Variants in CERS1 observed in about 807,000 individuals in gnomAD.
CERS1 encodes the protein Embryonic growth/differentiation factor 1.
In CERS1, 16 loss-of-function variants were observed where a neutral mutation model predicts 35.7. The observed-to-expected ratio is 0.45, with a 90% confidence interval of 0.30 to 0.68. CERS1 has a LOEUF of 0.68. Among genes scored for constraint, CERS1 ranks in the 30% least tolerant of loss-of-function variants. The pLI, the probability that CERS1 is intolerant of heterozygous loss-of-function variation, is 0.08. For missense variants in CERS1, 454 were observed against 453.9 expected (o/e 1.00, Z 0.00); for synonymous variants, 243 against 201.6 (o/e 1.21, Z -1.74).
In CERS1 at chr19:18,878,339, T is replaced by C. The variant is rs1009159170; in HGVS notation, c.1010+591A>G. Reference sequence around the variant, plus strand: ...CCTGGGGCTTCGGACACCATCTGGCTGTCACCCAGGGCTGGTGAGGCTCGT... The same window carrying C: ...CCTGGGGCTTCGGACACCATCTGGCCGTCACCCAGGGCTGGTGAGGCTCGT... On this transcript the variant is annotated intron_variant, in intron 6 of 7. Coordinates refer to ENST00000623882, the MANE Select transcript of CERS1 (RefSeq NM_021267.5). This position sits in a 1 kb window ranked among gnomAD's most constrained non-coding sequence, Gnocchi z 4.6. 8 of 985,962 alleles carry C rather than the reference T, an allele frequency of 8.1e-6. No homozygotes were observed. In the African/African-American group the frequency reaches 1.2e-4, roughly 15 times the overall value. 61.1% of individuals were successfully genotyped at this position (985,962 alleles called of 1,614,324 possible).
chr19:18,870,151 G>T lies in CERS1; in HGVS notation c.*426C>A. The T allele has an allele frequency of 6.4e-7, 1 of 1,559,772 alleles. No homozygotes were observed. On this transcript the variant is annotated 3_prime_UTR_variant, in exon 7 of 8. Transcript: ENST00000623882. This position sits in a 1 kb window ranked among gnomAD's most constrained non-coding sequence, Gnocchi z 5.1. ...ACCGGGGGAACCGGCCGGAGCCTGGGGGCACCCTGGGGCTCATCGCGCAGT... is the reference window on the plus strand; with the variant it reads ...ACCGGGGGAACCGGCCGGAGCCTGGTGGCACCCTGGGGCTCATCGCGCAGT...
At chr19:18,879,083 C>A (rs377420924) in intron 5 of CERS1, 44 bp from the exon 6 acceptor site, 14 of 1,603,662 alleles carry the variant, frequency 8.7e-6, no homozygotes, top group Non-Finnish European at 1.2e-5. Flanking sequence ...AAAGCCCCCA[C>A]GCCACTGCCC....
chr19:18,873,665 C>T (rs947501519), intron 6 of CERS1, among the ~76,000 whole-genome samples: 2 of 151,656 alleles, frequency 1.3e-5, no homozygotes, highest in African/African-American at 2.4e-5. Context: ...ATTGTGAAAC[C>T]TCATCTCTAC....
chr19:18,883,173 C>T (rs1441036290), intron 3 of CERS1: 1 of 152,138 alleles, frequency 6.6e-6, no homozygotes, highest in Non-Finnish European at 1.5e-5. Flanking sequence ...CTTTGTTGCT[C>T]TATATTTGTG....
chr19:18,868,998 G>C lies in CERS1; in HGVS notation c.*987C>G. Reference sequence around the variant, plus strand: ...AGGGGGTGGCACAGGCGCGGGTCGAGGGTCACCAGCAGCAGCGAGGCCTCG... The same window carrying C: ...AGGGGGTGGCACAGGCGCGGGTCGACGGTCACCAGCAGCAGCGAGGCCTCG... On this transcript the variant is annotated 3_prime_UTR_variant, in exon 8 of 8. Coordinates refer to ENST00000623882, the MANE Select transcript of CERS1 (RefSeq NM_021267.5). 9.0e-7 allele frequency: 1 copy of C among 1,107,324 alleles called. No homozygotes were observed. The highest frequency in any genetic ancestry group is 1.7e-5 in the African/African-American group (1 of 59,146). The allele number at this position is 1,107,324 out of a possible 1,614,324, so 68.6% of individuals were successfully genotyped here.
At position 18,869,015 on chromosome 19, in the gene CERS1, G is replaced by C; in HGVS notation, c.*970C>G. ...CGGGTCGAGGGTCACCAGCAGCAGC[G>C]AGGCCTCGGCCAGGCGCGCGCAGGC... On this transcript the variant is annotated 3_prime_UTR_variant, in exon 8 of 8. Transcript: ENST00000623882. 1 of 1,092,062 alleles carries C rather than the reference G, an allele frequency of 9.2e-7. No homozygotes were observed. The highest frequency in any genetic ancestry group is 1.1e-6 in the Non-Finnish European group (1 of 899,392). The allele number at this position is 1,092,062 out of a possible 1,614,324, so 67.6% of individuals were successfully genotyped here.
chr19:18,880,167 C>T, intron 4 of CERS1, 107 bp downstream of exon 4: 5 of 1,192,400 alleles, frequency 4.2e-6, no homozygotes, highest in South Asian at 1.5e-5. Context: ...CACACACCCA[C>T]CTCACCGGGC....
intron 6 of CERS1, among the ~76,000 whole-genome samples, chr19:18,877,356 A>T (rs2056076777): frequency 6.6e-6 from 1 of 152,272 alleles, no homozygotes; most frequent in Non-Finnish European, 1.5e-5. Context: ...TTCTACAGCA[A>T]GAGGACCTTC....
chr19:18,884,510 C>T (rs377307869), intron 2 of CERS1, among the ~76,000 whole-genome samples: 102 of 151,578 alleles, frequency 6.7e-4, no homozygotes, highest in Middle Eastern at 6.9e-3. Flanking sequence ...TGGGTTCAAA[C>T]GATTCTCCTG....
Position 18,869,389 on chromosome 19 carries a change from A to C in CERS1, c.*596T>G. On this transcript the variant is annotated splice_region_variant and 3_prime_UTR_variant, in exon 8 of 8. Coordinates refer to ENST00000623882, the MANE Select transcript of CERS1 (RefSeq NM_021267.5). ...CAGGCTCCGAGGCCCGGGTGGGCGC[A>C]CCTGGGGAGGTAGGAACAGGAACTC... The C allele has an allele frequency of 1.3e-6, 2 of 1,528,308 alleles. No homozygotes were observed. The highest frequency in any genetic ancestry group is 1.7e-6 in the Non-Finnish European group (2 of 1,144,304). The allele number at this position is 1,528,308 out of a possible 1,614,324, so 94.7% of individuals were successfully genotyped here.
Position 18,868,772 on chromosome 19 carries a change from A to G in CERS1, c.*1213T>C. On this transcript the variant is annotated 3_prime_UTR_variant, in exon 8 of 8. Transcript: ENST00000623882. ...GAGCGCGCGCAGCACAGCGTGGTTG[A>G]GCGCCGGCGGCCCCCCGGACCCCGA... is the stretch of plus-strand genomic sequence containing the variant. 6.8e-7 allele frequency: 1 copy of G among 1,472,838 alleles called. No homozygotes were observed. The allele number at this position is 1,472,838 out of a possible 1,614,324, so 91.2% of individuals were successfully genotyped here. A position where few individuals can be genotyped will look rare whatever the true frequency, so the allele number is the denominator to read the frequency against.
At position 18,893,440 on chromosome 19, in the gene CERS1, G is replaced by A; in HGVS notation, c.385C>T (p.His129Tyr). 6.2e-7 allele frequency: 1 copy of A among 1,605,350 alleles called. No homozygotes were observed. ...CCGTAGAAGACAGATGGTGGGTCAT[G>A]GAAGAAGGGGTAGTCGGTGCCAAAC... is the stretch of plus-strand genomic sequence containing the variant. The part of the protein sequence containing the change: ...LLFGTDYPFF[H>Y]DPPSVFYDWT... Residue 129 changes from histidine (H) to tyrosine (Y), a missense_variant, in exon 2 of 8, where the codon CAT (histidine) becomes TAT (tyrosine). Coordinates refer to ENST00000623882, the MANE Select transcript of CERS1 (RefSeq NM_021267.5).
rs1185015299 is a variant in CERS1, at chr19:18,896,007, T to C, written c.66A>G (p.Leu22=). The change falls in exon 1 of 8, where the codon CTA becomes CTG. Residue 22 remains leucine, a synonymous_variant. Transcript: ENST00000623882. This position sits in a 1 kb window ranked among gnomAD's most constrained non-coding sequence, Gnocchi z 5.9. ...GPEPMPSYAQ[L]VQRGWGSALA... ...GCGCGCTGCCCCAGCCGCGCTGCAC[T>C]AGCTGCGCGTAGCTCGGCATGGGCT... is the stretch of plus-strand genomic sequence containing the variant. 21 of 1,011,380 alleles carry C rather than the reference T, an allele frequency of 2.1e-5. No homozygotes were observed. Among genetic ancestry groups the C allele is most frequent in the African/African-American group, 7.0e-5 (4 of 56,778 alleles). 62.7% of individuals were successfully genotyped at this position (1,011,380 alleles called of 1,614,324 possible).
chr19:18,885,252 G>A (rs1310208475), intron 2 of CERS1, among the ~76,000 whole-genome samples: 1 of 152,140 alleles, frequency 6.6e-6, no homozygotes, highest in Non-Finnish European at 1.5e-5. Flanking sequence ...CCATGCTGGA[G>A]TGCAGTGGTG....
Position 18,878,236 on chromosome 19 carries a change from A to T in CERS1, c.1010+694T>A. 7.1e-6 allele frequency: 7 copies of T among 985,402 alleles called. No homozygotes were observed. The highest frequency in any genetic ancestry group is 8.4e-6 in the Non-Finnish European group (7 of 830,106). 61.0% of individuals were successfully genotyped at this position (985,402 alleles called of 1,614,324 possible). A position where few individuals can be genotyped will look rare whatever the true frequency, so the allele number is the denominator to read the frequency against. ...ACACTCCTCACGTTGCCTATGAGAC[A>T]CTGCACACCCGACTCTGCTTGTTAC... On this transcript the variant is annotated intron_variant, in intron 6 of 7. Transcript: ENST00000623882. The surrounding 1 kb of genome is among the most constrained non-coding windows in gnomAD (Gnocchi z 4.6).
chr19:18,884,120 G>A lies in CERS1; in HGVS notation c.557C>T (p.Thr186Ile), dbSNP rs1601172583. 6.2e-7 allele frequency: 1 copy of A among 1,613,688 alleles called. No homozygotes were observed. Reference protein sequence around the residue: ...SVVMLLHHVVTLILIVSSYAF... With the variant: ...SVVMLLHHVVILILIVSSYAF... ...GTAGGAGGAGACGATGAGGATGAGA[G>A]TGACCACGTGGTGGAGCAGCATGAC... The change falls in exon 3 of 8, where the codon ACT becomes ATT. Residue 186 changes from threonine (T) to isoleucine (I), a missense_variant. Coordinates refer to ENST00000623882, the MANE Select transcript of CERS1 (RefSeq NM_021267.5).
intron 2 of CERS1, among the ~76,000 whole-genome samples, chr19:18,890,806 A>C (rs1298496513): frequency 1.5e-5 from 2 of 135,272 alleles, no homozygotes; most frequent in Non-Finnish European, 3.3e-5. Flanking sequence ...AAAAAAAAGC[A>C]GCTAAAGGCA....
chr19:18,889,378 TA>T (rs1253693540), intron 2 of CERS1, among the ~76,000 whole-genome samples: 2 of 151,946 alleles, frequency 1.3e-5, no homozygotes, highest in African/African-American at 4.8e-5. Flanking sequence ...CCCCACAGGA[TA>T]GGGGGGAAGT....
Position 18,868,569 on chromosome 19 carries a change from T to TTGGGCCCGC in CERS1, c.*1407_*1415dup, listed in dbSNP as rs1180010076. The TTGGGCCCGC allele has an allele frequency of 6.6e-7, 1 of 1,510,698 alleles. No homozygotes were observed. The allele number at this position is 1,510,698 out of a possible 1,614,324, so 93.6% of individuals were successfully genotyped here. A position where few individuals can be genotyped will look rare whatever the true frequency, so the allele number is the denominator to read the frequency against. Reference sequence around the variant, plus strand: ...GGAGCAGACCACGCGGCATTTATTGTTGGGCCCGCGTCCCTGCCCGCCCCG... The same window carrying TTGGGCCCGC: ...GGAGCAGACCACGCGGCATTTATTGTTGGGCCCGCTGGGCCCGCGTCCCTGCCCGCCCCG... On this transcript the variant is annotated 3_prime_UTR_variant, in exon 8 of 8. Transcript: ENST00000623882.
Sources: allele counts gnomAD v4.1 joint callset (sites outside exome capture counted in the v4.1 genomes callset), GRCh38; gene constraint gnomAD v4.1.1; non-coding constraint Gnocchi (gnomAD v3.1); transcripts MANE v1.5; gene names NCBI Gene and HGNC (gene_info 2026-07-23, HGNC 2026-07-21).